The following RNF180 variants were observed in gnomAD, a reference collection of about 807,000 sequenced individuals.
RNF180 encodes the protein E3 ubiquitin-protein ligase RNF180.
RNF180 carries 38 observed loss-of-function variants against 59.2 expected under a neutral mutation model. The ratio of observed to expected loss-of-function variants is 0.64; its 90% CI spans 0.50 to 0.84. The LOEUF is 0.84. Among genes scored for constraint, RNF180 ranks in the 40% least tolerant of loss-of-function variants. The probability of loss-of-function intolerance (pLI) is 0.00; values close to 1 mark genes in which losing one functional copy is unlikely to be tolerated. For synonymous variants in RNF180, 262 were observed against 240.3 expected (o/e 1.09, Z -0.84); for missense variants, 705 against 700.9 (o/e 1.01, Z -0.07).
chr5:64,240,860 T>G (rs949273670), intron 5 of RNF180, among the ~76,000 whole-genome samples: 33 of 152,196 alleles, frequency 2.2e-4, no homozygotes, highest in African/African-American at 8.0e-4. Flanking sequence ...CCTACCTACC[T>G]TACATCTACA....
chr5:64,239,759 TA>T (rs933520556), intron 5 of RNF180, among the ~76,000 whole-genome samples: 12 of 152,110 alleles, frequency 7.9e-5, no homozygotes, highest in South Asian at 2.1e-4. Flanking sequence ...ACGATCATCT[TA>T]AAAAATAAAC....
intron 7 of RNF180, among the ~76,000 whole-genome samples, chr5:64,360,735 A>G (rs887197271): frequency 2.0e-5 from 3 of 151,722 alleles, no homozygotes; most frequent in African/African-American, 7.2e-5. Context: ...GGCCACTGTC[A>G]TAGATGGTGG....
At chr5:64,203,343 G>C (rs1008983017) in intron 2 of RNF180, among the ~76,000 whole-genome samples, 2 of 152,096 alleles carry the variant, frequency 1.3e-5, no homozygotes, top group Non-Finnish European at 2.9e-5. Flanking sequence ...AGATTTTAAA[G>C]TATAATTTGT....
intron 5 of RNF180, among the ~76,000 whole-genome samples, chr5:64,219,482 G>A (rs1001715309): frequency 5.9e-5 from 9 of 151,680 alleles, no homozygotes; most frequent in Non-Finnish European, 1.3e-4. Flanking sequence ...TGAGTTAGTT[G>A]TCTTTTTTTT....
At chr5:64,265,174 G>A (rs1744585314) in intron 5 of RNF180, among the ~76,000 whole-genome samples, 1 of 152,100 alleles carries the variant, frequency 6.6e-6, no homozygotes, top group African/African-American at 2.4e-5. Context: ...CATTCTGTAG[G>A]TTGCCTGTTC....
intron 1 of RNF180, among the ~76,000 whole-genome samples, chr5:64,199,807 G>A (rs909767740): frequency 3.3e-5 from 5 of 152,164 alleles, no homozygotes; most frequent in Admixed American, 6.5e-5. Flanking sequence ...GAATTGTTAT[G>A]TATTAGTGTG....
intron 5 of RNF180, among the ~76,000 whole-genome samples, chr5:64,257,140 A>G (rs531413600): frequency 6.6e-6 from 1 of 152,324 alleles, no homozygotes; most frequent in South Asian, 2.1e-4. Flanking sequence ...CAATCATGTC[A>G]TCTGCAAACA....
intron 1 of RNF180, among the ~76,000 whole-genome samples, chr5:64,200,416 C>T (rs1349025383): frequency 3.9e-5 from 6 of 152,112 alleles, no homozygotes; most frequent in Admixed American, 1.3e-4. Context: ...GATTGTGCCA[C>T]GGTACCCCAG....
chr5:64,279,743 A>T (rs1741910504), intron 5 of RNF180, among the ~76,000 whole-genome samples: 1 of 152,182 alleles, frequency 6.6e-6, no homozygotes. Context: ...ACATCCTATG[A>T]TGAGTTAATG....
chr5:64,346,837 C>T (rs1352309804), intron 7 of RNF180, among the ~76,000 whole-genome samples: 1 of 152,150 alleles, frequency 6.6e-6, no homozygotes. Context: ...TATGATTACA[C>T]TGCTCTAAAA....
At chr5:64,261,585 A>C (rs1220812046) in intron 5 of RNF180, among the ~76,000 whole-genome samples, 1 of 152,184 alleles carries the variant, frequency 6.6e-6, no homozygotes, top group Non-Finnish European at 1.5e-5. Flanking sequence ...ATTTTTGAAA[A>C]AAATATCTCT....
At position 64,242,838 on chromosome 5, in the gene RNF180, A is replaced by C. The variant is rs1427183728; in HGVS notation, c.1227+25442A>C. Reference sequence around the variant, plus strand: ...GAACAGCTCCGGTCTGCAGCTCCCAATAAGATGAACACAGAAGGTGGGTGA... The same window carrying C: ...GAACAGCTCCGGTCTGCAGCTCCCACTAAGATGAACACAGAAGGTGGGTGA... On this transcript the variant is annotated intron_variant, in intron 5 of 7. Coordinates refer to ENST00000389100, the MANE Select transcript of RNF180 (RefSeq NM_001113561.2). Among the ~76,000 whole-genome samples the C allele has an allele frequency of 5.3e-5, 8 of 152,214 alleles. 1 individual carries two copies.
chr5:64,218,909 GTTA>G (rs910910243), intron 5 of RNF180, among the ~76,000 whole-genome samples: 2 of 152,058 alleles, frequency 1.3e-5, no homozygotes, highest in Non-Finnish European at 2.9e-5. Flanking sequence ...TGTATCTTGT[GTTA>G]TTAAGAGTAT....
At chr5:64,243,538 C>T (rs1323887541) in intron 5 of RNF180, among the ~76,000 whole-genome samples, 1 of 152,194 alleles carries the variant, frequency 6.6e-6, no homozygotes, top group East Asian at 1.9e-4. Context: ...TCTCTAGATT[C>T]CTTCTCACTG....
At chr5:64,172,118 A>G (rs945072496) in intron 1 of RNF180, among the ~76,000 whole-genome samples, 1 of 152,214 alleles carries the variant, frequency 6.6e-6, no homozygotes, top group African/African-American at 2.4e-5. Context: ...TATGCCTGAA[A>G]AAGTGAGGAA....
chr5:64,169,035 A>G (rs1749798933), intron 1 of RNF180, among the ~76,000 whole-genome samples: 1 of 152,322 alleles, frequency 6.6e-6, no homozygotes, highest in South Asian at 2.1e-4. Flanking sequence ...GTGTTAAAGC[A>G]GAAGGGGCTA....
chr5:64,166,490 C>G (rs575359278), intron 1 of RNF180, among the ~76,000 whole-genome samples: 23 of 152,024 alleles, frequency 1.5e-4, no homozygotes, highest in Non-Finnish European at 2.2e-4. Context: ...CCGGAGTGTA[C>G]GACTTTCTGC....
At chr5:64,355,911 C>T (rs1746000351) in intron 7 of RNF180, among the ~76,000 whole-genome samples, 1 of 151,746 alleles carries the variant, frequency 6.6e-6, no homozygotes, top group East Asian at 1.9e-4. Context: ...ATTTAAAAAA[C>T]ATAAATCTTG....
chr5:64,218,313 CTT>C (rs527911876), intron 5 of RNF180, among the ~76,000 whole-genome samples: 150 of 152,224 alleles, frequency 9.9e-4, no homozygotes, highest in African/African-American at 3.4e-3. Context: ...AGTTGTGAGA[CTT>C]AAGGGGTATA....
Sources: gnomAD v4.1 joint callset for allele counts (sites outside exome capture counted in the v4.1 genomes callset) on GRCh38, gnomAD v4.1.1 for gene constraint, MANE v1.5 for transcripts, NCBI Gene and HGNC (gene_info 2026-07-23, HGNC 2026-07-21) for gene names.